The following ANO4 variants were observed in gnomAD, a reference collection of about 807,000 sequenced individuals.
The protein encoded by ANO4 is anoctamin 4.
In ANO4, 69 loss-of-function variants were observed where a neutral mutation model predicts 141.9. The observed-to-expected ratio is 0.49, with a 90% confidence interval of 0.40 to 0.59. The LOEUF (loss-of-function observed/expected upper bound fraction) is 0.59, where lower values mean the gene tolerates loss of function less well. Among genes scored for constraint, ANO4 ranks in the 20% least tolerant of loss-of-function variants. The probability of loss-of-function intolerance (pLI) is 0.00; values close to 1 mark genes in which losing one functional copy is unlikely to be tolerated. For synonymous variants in ANO4, 350 were observed against 394.3 expected (o/e 0.89, Z 1.33); for missense variants, 894 against 1,162.2 (o/e 0.77, Z 3.36).
chr12:101,055,054 C>G (rs775814641), intron 14 of ANO4, among the ~76,000 whole-genome samples: 9 of 152,128 alleles, frequency 5.9e-5, no homozygotes, highest in Admixed American at 1.3e-4. Flanking sequence ...ATAATTTGTT[C>G]GTCTACTTAC....
chr12:101,064,861 C>T (rs550797676), intron 14 of ANO4, among the ~76,000 whole-genome samples: 1 of 152,154 alleles, frequency 6.6e-6, no homozygotes, highest in South Asian at 2.1e-4. Flanking sequence ...CTCACATTGT[C>T]CTGCTCCCTC....
At chr12:100,913,034 TG>T (rs2041183786) in intron 2 of ANO4, among the ~76,000 whole-genome samples, 1 of 152,182 alleles carries the variant, frequency 6.6e-6, no homozygotes, top group South Asian at 2.1e-4. Context: ...CCTTGGCAAA[TG>T]TGGGCATTGG....
At chr12:100,936,718 C>T (rs2136156879) in intron 3 of ANO4, among the ~76,000 whole-genome samples, 1 of 152,258 alleles carries the variant, frequency 6.6e-6, no homozygotes, top group Non-Finnish European at 1.5e-5. Flanking sequence ...TCTGCCTTCT[C>T]ATATTGATAA....
intron 22 of ANO4, among the ~76,000 whole-genome samples, chr12:101,105,775 T>C (rs1169443501): frequency 6.6e-6 from 1 of 152,154 alleles, no homozygotes; most frequent in Non-Finnish European, 1.5e-5. Flanking sequence ...ATAAAATAAC[T>C]CTAGAATTGC....
Position 100,910,767 on chromosome 12 carries a change from C to G in ANO4, c.55+8927C>G, listed in dbSNP as rs183972696. Among the ~76,000 whole-genome samples, 106 of 152,260 alleles carry G rather than the reference C, an allele frequency of 7.0e-4. 1 individual carries two copies. In the East Asian group the frequency reaches 0.017, roughly 25 times the overall value. ...CTTTTTCCTTATCTGTTAGACCCATCATACAATCCTAGAGAAGTGTCATTA... is the reference window on the plus strand; with the variant it reads ...CTTTTTCCTTATCTGTTAGACCCATGATACAATCCTAGAGAAGTGTCATTA... On this transcript the variant is annotated intron_variant, in intron 2 of 27. Coordinates refer to ENST00000392977, the MANE Select transcript of ANO4 (RefSeq NM_001286615.2).
intron 17 of ANO4, among the ~76,000 whole-genome samples, chr12:101,089,486 G>T (rs776642049): frequency 1.3e-5 from 2 of 152,040 alleles, no homozygotes; most frequent in Non-Finnish European, 2.9e-5. Context: ...CCAGGACTCG[G>T]TCTGTGTTAA....
chr12:100,754,504 T>C (rs963741494), intron 3 of ANO4, among the ~76,000 whole-genome samples: 1 of 152,224 alleles, frequency 6.6e-6, no homozygotes, highest in African/African-American at 2.4e-5. Context: ...ATCATGGACT[T>C]GGTGGTCCTC....
intron 1 of ANO4, among the ~76,000 whole-genome samples, chr12:100,801,861 AG>A (rs1289348122): frequency 6.6e-6 from 1 of 152,166 alleles, no homozygotes; most frequent in Non-Finnish European, 1.5e-5. Context: ...TGAAAGTTGG[AG>A]GATAGTTAAT....
chr12:100,887,233 A>G (rs1200438188), intron 1 of ANO4, among the ~76,000 whole-genome samples: 2 of 152,228 alleles, frequency 1.3e-5, no homozygotes, highest in East Asian at 3.8e-4. Flanking sequence ...ATCTTAAGAA[A>G]TAATATTCCT....
rs531894774 is a variant in ANO4 at position 100,940,222 on chromosome 12, T to TA, written c.297+780dup. On this transcript the variant is annotated intron_variant, in intron 4 of 27. Coordinates refer to ENST00000392977, the MANE Select transcript of ANO4 (RefSeq NM_001286615.2). ...TTTTTTTTTTTTCTGTTTGTTTCAT[T>TA]AAAAAAAAACACTCATTCTGTTATT... Among the ~76,000 whole-genome samples, 300 of 149,074 alleles carry TA rather than the reference T, an allele frequency of 2.0e-3. 3 individuals are homozygous for TA. The East Asian group carries it at 0.023, about 11-fold the overall frequency.
In ANO4 at chr12:101,023,218, T is replaced by A. The variant is rs115984166; in HGVS notation, c.841+3078T>A. On this transcript the variant is annotated intron_variant, in intron 9 of 27. Transcript: ENST00000392977. Reference sequence around the variant, plus strand: ...TAATTTTGCGTCTCAAAATGTGGGATGCTTTTATAAGCAAAAGAAGGACAG... The same window carrying A: ...TAATTTTGCGTCTCAAAATGTGGGAAGCTTTTATAAGCAAAAGAAGGACAG... Among the ~76,000 whole-genome samples, 1,245 of 152,356 alleles carry A rather than the reference T, an allele frequency of 8.2e-3. 15 individuals are homozygous for A. Among genetic ancestry groups the A allele is most frequent in the African/African-American group, 0.028 (1,180 of 41,582 alleles).
intron 1 of ANO4, among the ~76,000 whole-genome samples, chr12:100,721,885 G>A (rs1001269964): frequency 2.7e-5 from 4 of 150,434 alleles, no homozygotes; most frequent in African/African-American, 9.8e-5. Flanking sequence ...TAGAGGCAGG[G>A]TCTTGATATG....
In ANO4 at chr12:100,862,476, C is replaced by T. The variant is rs144815225; in HGVS notation, c.-140-39170C>T. ...AGCTAGGATTACAGGCGCCTGCCAC[C>T]ATGCCCAGCTAATTTTTGTATTTTT... On this transcript the variant is annotated intron_variant, in intron 1 of 27. Transcript: ENST00000392977. 1.9e-3 allele frequency among the ~76,000 whole-genome samples: 294 copies of T among 152,196 alleles called. 1 individual carries two copies. The highest frequency in any genetic ancestry group is 6.5e-3 in the African/African-American group (268 of 41,536).
chr12:101,050,722 G>A (rs1345628710), intron 14 of ANO4, among the ~76,000 whole-genome samples: 1 of 152,106 alleles, frequency 6.6e-6, no homozygotes, highest in Non-Finnish European at 1.5e-5. Flanking sequence ...TCAGGTCATA[G>A]CACACATAAA....
intron 3 of ANO4, among the ~76,000 whole-genome samples, chr12:100,777,757 A>G (rs1459396993): frequency 6.6e-6 from 1 of 152,140 alleles, no homozygotes; most frequent in Non-Finnish European, 1.5e-5. Context: ...AGACTATTTT[A>G]CAACCTTTTA....
At chr12:100,884,387 C>A (rs1018890318) in intron 1 of ANO4, among the ~76,000 whole-genome samples, 1 of 152,190 alleles carries the variant, frequency 6.6e-6, no homozygotes, top group Non-Finnish European at 1.5e-5. Context: ...CAGGGCCCCC[C>A]ATGACCACTG....
intron 15 of ANO4, among the ~76,000 whole-genome samples, chr12:101,080,756 G>A (rs1171076983): frequency 2.6e-5 from 4 of 151,470 alleles, no homozygotes; most frequent in Admixed American, 2.6e-4. Flanking sequence ...GAACCCAGAA[G>A]GTGGAGGTTG....
At chr12:100,965,346 G>A (rs951703116) in intron 5 of ANO4, among the ~76,000 whole-genome samples, 2 of 151,322 alleles carry the variant, frequency 1.3e-5, no homozygotes, top group Non-Finnish European at 2.9e-5. Flanking sequence ...TTCTCCTTTC[G>A]TTCTGGTTCT....
chr12:100,986,488 A>T (rs77285802), intron 7 of ANO4, among the ~76,000 whole-genome samples: 1,754 of 152,286 alleles, frequency 0.012, 30 homozygotes, highest in African/African-American at 0.04. Context: ...TTCAGGAAAC[A>T]ACCCCACAGA....
Sources: allele counts gnomAD v4.1 joint callset (sites outside exome capture counted in the v4.1 genomes callset), GRCh38; gene constraint gnomAD v4.1.1; transcripts MANE v1.5; gene names NCBI Gene and HGNC (gene_info 2026-07-23, HGNC 2026-07-21).